The following MYCBP2 variants were observed in gnomAD, a reference collection of about 807,000 sequenced individuals.
MYCBP2 encodes the protein MYC binding protein 2, also known as E3 ubiquitin-protein ligase MYCBP2.
A neutral mutation model predicts 525.3 loss-of-function variants in MYCBP2; 120 were observed. The ratio of observed to expected loss-of-function variants is 0.23; its 90% CI spans 0.20 to 0.27. The LOEUF is 0.27. MYCBP2 is among the 10% of genes least tolerant of loss of function. The probability of loss-of-function intolerance (pLI) is 1.00; values close to 1 mark genes in which losing one functional copy is unlikely to be tolerated. For synonymous variants in MYCBP2, 1,894 were observed against 1,955.8 expected, an observed-to-expected ratio of 0.97 and a Z score of 0.83; for missense variants, 4,149 against 5,657.1, an observed-to-expected ratio of 0.73 and a Z score of 8.55.
At chr13:77,275,186 T>C (rs1320350370) in intron 4 of MYCBP2, among the ~76,000 whole-genome samples, 4 of 152,218 alleles carry the variant, frequency 2.6e-5, no homozygotes, top group Non-Finnish European at 5.9e-5. Context: ...AAATAGTCAA[T>C]AGTTTAAACA....
chr13:77,204,913 GGGGA>G (rs1337698794), intron 26 of MYCBP2, among the ~76,000 whole-genome samples: 5 of 107,156 alleles, frequency 4.7e-5, no homozygotes, highest in African/African-American at 1.8e-4. Context: ...TGGGGGGAGG[GGGGA>G]GGGATAGCAT....
At chr13:77,270,115 A>G in intron 6 of MYCBP2, 52 bp from the exon 7 acceptor site, 1 of 1,521,702 alleles carries the variant, frequency 6.6e-7, no homozygotes, top group Non-Finnish European at 8.9e-7. Context: ...TTAATAATCA[A>G]TGAAAAATAA....
At chr13:77,228,973 T>C (rs970643812) in intron 18 of MYCBP2, among the ~76,000 whole-genome samples, 4 of 152,152 alleles carry the variant, frequency 2.6e-5, no homozygotes, top group Non-Finnish European at 4.4e-5. Flanking sequence ...AGTGAGTACT[T>C]GGAGCAAAAT....
At chr13:77,157,882 A>T in intron 45 of MYCBP2, 55 bp downstream of exon 45, 1 of 1,423,204 alleles carries the variant, frequency 7.0e-7, no homozygotes, top group East Asian at 2.4e-5. Flanking sequence ...CCTCTTTCAG[A>T]AATGAAGAAA....
chr13:77,088,824 C>T lies in MYCBP2; in HGVS notation c.10725+8G>A. Reference sequence around the variant, plus strand: ...AATGAATCAGTAATTTCATTAATGTCTTCATACCTCCATAGCAAAAACTCG... The same window carrying T: ...AATGAATCAGTAATTTCATTAATGTTTTCATACCTCCATAGCAAAAACTCG... On this transcript the variant is annotated splice_region_variant and intron_variant, in intron 61 of 82. Transcript: ENST00000544440. The T allele has an allele frequency of 1.3e-6, 2 of 1,584,766 alleles. No individual in the cohort carries two copies. Among genetic ancestry groups the T allele is most frequent in the African/African-American group, 1.3e-5 (1 of 74,298 alleles).
intron 20 of MYCBP2, among the ~76,000 whole-genome samples, chr13:77,220,896 G>A (rs919205650): frequency 6.6e-6 from 1 of 152,110 alleles, no homozygotes; most frequent in African/African-American, 2.4e-5. Context: ...TGCATTATCC[G>A]TTGTAGCTCT....
intron 13 of MYCBP2, among the ~76,000 whole-genome samples, chr13:77,258,935 A>G (rs1245602989): frequency 6.6e-6 from 1 of 152,156 alleles, no homozygotes; most frequent in East Asian, 1.9e-4. Flanking sequence ...GTTAAAGATT[A>G]AGTAAACTGT....
At position 77,132,575 on chromosome 13, in the gene MYCBP2, G is replaced by A. The variant is rs894094955; in HGVS notation, c.7660-6033C>T. 7.0e-4 allele frequency among the ~76,000 whole-genome samples: 106 copies of A among 152,062 alleles called. 7 individuals carry two copies. The highest frequency in any genetic ancestry group is 8.8e-5 in the Non-Finnish European group (6 of 67,974). On this transcript the variant is annotated intron_variant, in intron 52 of 82. Transcript: ENST00000544440. ...AGAAACTCAATTCTGTAAGAATTCAGATTATATGGGAACTATAAAGATACC... is the reference window on the plus strand; with the variant it reads ...AGAAACTCAATTCTGTAAGAATTCAAATTATATGGGAACTATAAAGATACC...
At chr13:77,319,685 C>A (rs2081364258) in intron 1 of MYCBP2, among the ~76,000 whole-genome samples, 1 of 152,178 alleles carries the variant, frequency 6.6e-6, no homozygotes, top group Non-Finnish European at 1.5e-5. Flanking sequence ...CCAGTGCATT[C>A]CCTTCAACAG....
intron 28 of MYCBP2, among the ~76,000 whole-genome samples, chr13:77,191,089 A>G (rs2061252449): frequency 6.6e-6 from 1 of 152,212 alleles, no homozygotes; most frequent in South Asian, 2.1e-4. Flanking sequence ...CATGACTCTC[A>G]GGAAATAGCA....
intron 24 of MYCBP2, 113 bp downstream of exon 24, chr13:77,206,540 T>C: frequency 9.9e-7 from 1 of 1,005,234 alleles, no homozygotes; most frequent in Non-Finnish European, 1.4e-6. Flanking sequence ...TTTTGTACAT[T>C]ATTATTATTT....
At chr13:77,200,303 T>C (rs1303396711) in intron 26 of MYCBP2, among the ~76,000 whole-genome samples, 2 of 151,834 alleles carry the variant, frequency 1.3e-5, no homozygotes, top group East Asian at 1.9e-4. Context: ...CGATGGAAGA[T>C]GAAATAAATG....
intron 44 of MYCBP2, among the ~76,000 whole-genome samples, chr13:77,160,960 A>G (rs1394550554): frequency 6.6e-6 from 1 of 152,156 alleles, no homozygotes; most frequent in Admixed American, 6.5e-5. Flanking sequence ...TTTTTGGAAA[A>G]TTTTACAAAT....
intron 52 of MYCBP2, among the ~76,000 whole-genome samples, chr13:77,138,670 C>CA (rs1303672529): frequency 6.6e-6 from 1 of 152,106 alleles, no homozygotes; most frequent in Non-Finnish European, 1.5e-5. Flanking sequence ...TGAATTCTCT[C>CA]AAAGACTAGG....
intron 55 of MYCBP2, among the ~76,000 whole-genome samples, chr13:77,101,455 C>T (rs1252094062): frequency 1.3e-5 from 2 of 152,040 alleles, no homozygotes; most frequent in Non-Finnish European, 2.9e-5. Flanking sequence ...GTTATTTACT[C>T]ATCATGAAAA....
intron 3 of MYCBP2, among the ~76,000 whole-genome samples, chr13:77,280,702 T>C (rs189485032): frequency 3.6e-4 from 55 of 152,270 alleles, no homozygotes; most frequent in Admixed American, 3.5e-3. Flanking sequence ...AAGTTTAAGG[T>C]GTAATAACAA....
chr13:77,076,322 C>T (rs2042288903), intron 68 of MYCBP2: 1 of 153,136 alleles, frequency 6.5e-6, no homozygotes, highest in South Asian at 2.0e-4. Flanking sequence ...AGAAGAGACA[C>T]ATACAGATTA....
At position 77,098,196 on chromosome 13, in the gene MYCBP2, G is replaced by A. The variant is rs776178185; in HGVS notation, c.8958C>T (p.Pro2986=). ...TATTAGCACATTTTCGACTTATTTT[G>A]GGAGATGCTCTCATTTCCTGTTCAT... ...LKDEQEMRAS[P]KISRKCANRH... is the part of the protein sequence containing the mutation. The change falls in exon 56 of 83, where the codon CCC becomes CCT. Residue 2986 remains proline (P), a synonymous_variant. Transcript: ENST00000544440. 1.9e-6 allele frequency: 3 copies of A among 1,613,444 alleles called. No individual in the cohort carries two copies. The highest frequency in any genetic ancestry group is 2.5e-6 in the Non-Finnish European group (3 of 1,179,726).
intron 1 of MYCBP2, among the ~76,000 whole-genome samples, chr13:77,310,038 G>A (rs1311062907): frequency 6.6e-6 from 1 of 152,204 alleles, no homozygotes. Context: ...CTTGAACTCA[G>A]GAGGCGGAGG....
Sources: gnomAD v4.1 joint callset for allele counts (sites outside exome capture counted in the v4.1 genomes callset) on GRCh38, gnomAD v4.1.1 for gene constraint, MANE v1.5 for transcripts, NCBI Gene and HGNC (gene_info 2026-07-23, HGNC 2026-07-21) for gene names.